Variants in MAGI3 observed in about 807,000 individuals in gnomAD.
The protein encoded by MAGI3 is membrane associated guanylate kinase, WW and PDZ domain containing 3.
A neutral mutation model predicts 121.8 loss-of-function variants in MAGI3; 43 were observed. The observed-to-expected ratio is 0.35, with a 90% CI of 0.28 to 0.46. MAGI3 has a LOEUF of 0.46. MAGI3 is among the 20% of genes least tolerant of loss of function. The probability of loss-of-function intolerance (pLI) is 1.00; values close to 1 mark genes in which losing one functional copy is unlikely to be tolerated. For synonymous variants in MAGI3, 553 were observed against 639.3 expected (o/e 0.86, Z 2.04); for missense variants, 1,547 against 1,797.3 (o/e 0.86, Z 2.52).
intron 1 of MAGI3, among the ~76,000 whole-genome samples, chr1:113,419,463 T>C (rs1652624133): frequency 1.3e-5 from 2 of 152,164 alleles, no homozygotes; most frequent in Admixed American, 6.5e-5. Context: ...CAGTGAACTT[T>C]GTGATTATGC....
intron 1 of MAGI3, among the ~76,000 whole-genome samples, chr1:113,419,317 C>G (rs1346492594): frequency 6.6e-6 from 1 of 152,022 alleles, no homozygotes; most frequent in Non-Finnish European, 1.5e-5. Flanking sequence ...TGGGAAAAAC[C>G]TGGGGACTCT....
At chr1:113,518,980 C>G (rs1363075332) in intron 1 of MAGI3, among the ~76,000 whole-genome samples, 2 of 152,008 alleles carry the variant, frequency 1.3e-5, no homozygotes, top group African/African-American at 4.8e-5. Context: ...GAATGAATAA[C>G]AAGTTTGTTT....
intron 6 of MAGI3, among the ~76,000 whole-genome samples, chr1:113,603,364 AC>A (rs1557847162): frequency 5.9e-5 from 9 of 151,954 alleles, no homozygotes; most frequent in Admixed American, 2.6e-4. Context: ...AACAACAACA[AC>A]AACAACAACA....
intron 1 of MAGI3, among the ~76,000 whole-genome samples, chr1:113,456,088 C>G (rs1231175847): frequency 6.7e-6 from 1 of 149,394 alleles, no homozygotes; most frequent in East Asian, 2.0e-4. Flanking sequence ...GTAGCTGGGA[C>G]TACAGGCGCC....
intron 1 of MAGI3, among the ~76,000 whole-genome samples, chr1:113,544,414 GC>G (rs1659436135): frequency 6.6e-6 from 1 of 152,226 alleles, no homozygotes; most frequent in Non-Finnish European, 1.5e-5. Flanking sequence ...ACATGGTTAT[GC>G]CCATCCTTTG....
intron 6 of MAGI3, among the ~76,000 whole-genome samples, chr1:113,608,476 C>T (rs1259331785): frequency 6.6e-6 from 1 of 152,106 alleles, no homozygotes; most frequent in Non-Finnish European, 1.5e-5. Context: ...ATGTACATGG[C>T]CTTGCTGTTA....
intron 19 of MAGI3, among the ~76,000 whole-genome samples, chr1:113,680,251 T>A (rs2101036832): frequency 6.6e-6 from 1 of 152,264 alleles, no homozygotes; most frequent in Non-Finnish European, 1.5e-5. Flanking sequence ...GGAGATATAT[T>A]TAAAATTCAG....
rs192503172 is a variant in MAGI3 at position 113,403,892 on chromosome 1, C to T, written c.316+12543C>T. The T allele has an allele frequency of 1.8e-4, 27 of 152,014 alleles. No individual in the cohort carries two copies. The East Asian group carries it at 4.8e-3, about 27-fold the overall frequency. 9.4% of individuals were successfully genotyped at this position (152,014 alleles called of 1,614,324 possible). ...GGAAGGCATACTACAAGGAGGAAGTCGCTGAGTGATAGCTGATCCTTTCCC... is the reference window on the plus strand; with the variant it reads ...GGAAGGCATACTACAAGGAGGAAGTTGCTGAGTGATAGCTGATCCTTTCCC... On this transcript the variant is annotated intron_variant, in intron 1 of 20. Transcript: ENST00000307546.
rs548221866 is a variant in MAGI3 at position 113,642,719 on chromosome 1, T to C, written c.1966+203T>C. ...AAAAAATTATTAGTGATTTCATTCATGTCCATTATGGATTTATTTCCCTCT... is the reference window on the plus strand; with the variant it reads ...AAAAAATTATTAGTGATTTCATTCACGTCCATTATGGATTTATTTCCCTCT... On this transcript the variant is annotated intron_variant, in intron 10 of 20. Transcript: ENST00000307546. Among the ~76,000 whole-genome samples, 69 of 152,376 alleles carry C rather than the reference T, an allele frequency of 4.5e-4. 1 individual carries two copies. In the South Asian group the frequency reaches 0.014, roughly 30 times the overall value.
intron 19 of MAGI3, among the ~76,000 whole-genome samples, chr1:113,674,369 G>T (rs536930721): frequency 1.5e-3 from 215 of 147,456 alleles, no homozygotes; most frequent in African/African-American, 5.2e-3. Context: ...TCTAGTCTGG[G>T]CAACAAGAGC....
At chr1:113,515,302 A>G (rs1449888379) in intron 1 of MAGI3, among the ~76,000 whole-genome samples, 4 of 152,102 alleles carry the variant, frequency 2.6e-5, no homozygotes, top group African/African-American at 7.2e-5. Context: ...TTGGAATCTG[A>G]TCTGTAAACT....
At chr1:113,430,463 G>T (rs1653247511) in intron 1 of MAGI3, among the ~76,000 whole-genome samples, 1 of 152,080 alleles carries the variant, frequency 6.6e-6, no homozygotes, top group Non-Finnish European at 1.5e-5. Context: ...GTCATATATG[G>T]CATTTGGCTT....
chr1:113,681,932 T>C (rs996311923), intron 20 of MAGI3, among the ~76,000 whole-genome samples: 1 of 152,138 alleles, frequency 6.6e-6, no homozygotes, highest in African/African-American at 2.4e-5. Flanking sequence ...TCACTGTTTT[T>C]TGAGTGCACT....
intron 1 of MAGI3, among the ~76,000 whole-genome samples, chr1:113,544,313 TTGGTTGTGTGTTGATG>T (rs2101660282): frequency 6.6e-6 from 1 of 152,280 alleles, no homozygotes; most frequent in Admixed American, 6.5e-5. Context: ...GTTTGTAATA[TTGGTTGTGTGTTGATG>T]TGGTTGTATT....
intron 10 of MAGI3, 37 bp downstream of exon 10, chr1:113,642,553 T>C (rs752107911): frequency 1.3e-6 from 2 of 1,572,078 alleles, no homozygotes; most frequent in African/African-American, 1.4e-5. Flanking sequence ...GTTTCAGTGT[T>C]CAAGCGTTTA....
chr1:113,573,717 C>G (rs140764903), intron 2 of MAGI3, among the ~76,000 whole-genome samples: 1,526 of 152,198 alleles, frequency 0.01, 29 homozygotes, highest in African/African-American at 0.034. Flanking sequence ...TCTGCTTGGT[C>G]CAGAGCTGAG....
At chr1:113,646,396 G>T in intron 11 of MAGI3, 90 bp from the exon 12 acceptor site, 1 of 1,072,098 alleles carries the variant, frequency 9.3e-7, no homozygotes, top group East Asian at 2.5e-5. Context: ...ACTATAATCA[G>T]TTGACATATC....
At chr1:113,458,837 G>GC in intron 1 of MAGI3, among the ~76,000 whole-genome samples, 1 of 152,304 alleles carries the variant, frequency 6.6e-6, no homozygotes, top group East Asian at 1.9e-4. Flanking sequence ...ACAGGTGTGA[G>GC]CCACTGTGCC....
chr1:113,549,994 T>G (rs938302446), intron 2 of MAGI3, among the ~76,000 whole-genome samples: 1 of 151,352 alleles, frequency 6.6e-6, no homozygotes, highest in Non-Finnish European at 1.5e-5. Context: ...CGGGCGCCTA[T>G]AATCCCAGCT....
Sources: allele counts gnomAD v4.1 joint callset (sites outside exome capture counted in the v4.1 genomes callset), GRCh38; gene constraint gnomAD v4.1.1; transcripts MANE v1.5; gene names NCBI Gene and HGNC (gene_info 2026-07-23, HGNC 2026-07-21).